Variants in TOX4 observed in about 807,000 individuals in gnomAD.
The protein encoded by TOX4 is TOX high mobility group box family member 4.
TOX4 carries 12 observed loss-of-function variants against 61.0 expected under a neutral mutation model. That is an observed-to-expected ratio of 0.20 (90% CI 0.13 to 0.32). The LOEUF is 0.32. Among genes scored for constraint, TOX4 ranks in the 10% least tolerant of loss-of-function variants. The pLI is 1.00. For missense variants in TOX4, 499 were observed against 753.3 expected (o/e 0.66, Z 3.95); for synonymous variants, 268 against 274.8 (o/e 0.98, Z 0.24).
At chr14:21,487,217 TAAAAG>T (rs2139622997) in intron 2 of TOX4, among the ~76,000 whole-genome samples, 1 of 152,296 alleles carries the variant, frequency 6.6e-6, no homozygotes, top group African/African-American at 2.4e-5. Flanking sequence ...AGAAAAGAGA[TAAAAG>T]AATTGAAAAT....
At chr14:21,492,264 T>A (rs759861777) in intron 5 of TOX4, 32 bp from the exon 6 acceptor site, 5 of 1,472,932 alleles carry the variant, frequency 3.4e-6, no homozygotes, top group Non-Finnish European at 4.6e-6. Flanking sequence ...ATGGGGAGTT[T>A]TGTTTTTTTT....
intron 5 of TOX4, among the ~76,000 whole-genome samples, chr14:21,491,068 G>T (rs1383598227): frequency 6.6e-6 from 1 of 152,232 alleles, no homozygotes; most frequent in East Asian, 1.9e-4. Context: ...CAGGTGATCC[G>T]CCTGCCTTGT....
At position 21,498,686 on chromosome 14, in the gene TOX4, T is replaced by A; in HGVS notation, c.*2080T>A. On this transcript the variant is annotated 3_prime_UTR_variant, in exon 9 of 9. Transcript: ENST00000448790. ...TAGCAGCATGTGTTTTAAGCTCTGT[T>A]AAGGGGTGAAAGATGTAATTATTGA... 2.1e-6 allele frequency: 1 copy of A among 476,252 alleles called. No individual in the cohort carries two copies. 29.5% of individuals were successfully genotyped at this position (476,252 alleles called of 1,614,324 possible).
At chr14:21,484,164 A>AT (rs1190395938) in intron 2 of TOX4, among the ~76,000 whole-genome samples, 1 of 151,998 alleles carries the variant, frequency 6.6e-6, no homozygotes, top group African/African-American at 2.4e-5. Flanking sequence ...CAACGACCAG[A>AT]TTTTTTACCA....
At position 21,499,084 on chromosome 14, in the gene TOX4, T is replaced by C. The variant is rs754238831; in HGVS notation, c.*2478T>C. ...ACTCAATCTTGCGAGTGCCAGGAGA[T>C]AGTCTTTCAATCATGCCATAGATTT... On this transcript the variant is annotated 3_prime_UTR_variant, in exon 9 of 9. Transcript: ENST00000448790. 9 of 1,614,172 alleles carry C rather than the reference T, an allele frequency of 5.6e-6. No individual in the cohort carries two copies. Among genetic ancestry groups the C allele is most frequent in the Middle Eastern group, 1.6e-4 (1 of 6,062 alleles).
In TOX4 at chr14:21,477,508, A is replaced by G. The variant is rs764403589; in HGVS notation, c.19A>G (p.Asn7Asp). The change falls in exon 2 of 9, where the codon AAT becomes GAT. Residue 7 changes from asparagine (N) to aspartate (D), a missense_variant. Physicochemically the swap from Asn to Asp is conservative, Grantham distance 23. This residue lies in a region of TOX4 where 22 missense variants were observed against 22.5 expected (regional missense o/e 0.98). Coordinates refer to ENST00000448790, the MANE Select transcript of TOX4 (RefSeq NM_014828.4). Reference sequence around the variant, plus strand: ...TTTTGGTTTCCAGTTTCCCGGAGGAAATGACAATTACCTGACGATCACAGG... The same window carrying G: ...TTTTGGTTTCCAGTTTCCCGGAGGAGATGACAATTACCTGACGATCACAGG... MEFPGG[N>D]DNYLTITGPS... is the part of the protein sequence containing the mutation. 1.1e-5 allele frequency: 18 copies of G among 1,613,522 alleles called. No individual in the cohort carries two copies. The highest frequency in any genetic ancestry group is 1.5e-5 in the Non-Finnish European group (18 of 1,180,026).
rs1423852856 is a variant in TOX4 at position 21,485,589 on chromosome 14, A to C, written c.76-1862A>C. ...AGGAGACTCTATCTCAAAAAAAAAAAAAACTGCCAGGTGCGGTGGCCCATG... is the reference window on the plus strand; with the variant it reads ...AGGAGACTCTATCTCAAAAAAAAAACAAACTGCCAGGTGCGGTGGCCCATG... On this transcript the variant is annotated intron_variant, in intron 2 of 8. Coordinates refer to ENST00000448790, the MANE Select transcript of TOX4 (RefSeq NM_014828.4). 4.9e-5 allele frequency among the ~76,000 whole-genome samples: 5 copies of C among 102,894 alleles called. 2 individuals are homozygous for C. The highest frequency in any genetic ancestry group is 1.8e-4 in the African/African-American group (5 of 27,218). 67.5% of individuals were successfully genotyped at this position (102,894 alleles called of 152,430 possible).
In TOX4 at chr14:21,493,087, C is replaced by T; in HGVS notation, c.1471C>T (p.Leu491=). ...RINLQQQPPP[L]QIKSVPLPTL... ...CAATTTACAGCAACAGCCTCCTCCTCTGCAGATCAAGAGTGTGCCTCTACC... is the reference window on the plus strand; with the variant it reads ...CAATTTACAGCAACAGCCTCCTCCTTTGCAGATCAAGAGTGTGCCTCTACC... The change falls in exon 7 of 9, where the codon CTG becomes TTG. Residue 491 remains leucine, a synonymous_variant. Coordinates refer to ENST00000448790, the MANE Select transcript of TOX4 (RefSeq NM_014828.4). 6.2e-7 allele frequency: 1 copy of T among 1,614,182 alleles called. No homozygotes were observed. Among genetic ancestry groups the T allele is most frequent in the African/African-American group, 1.3e-5 (1 of 75,054 alleles).
At chr14:21,482,343 C>G (rs1443832353) in intron 2 of TOX4, among the ~76,000 whole-genome samples, 1 of 152,010 alleles carries the variant, frequency 6.6e-6, no homozygotes, top group African/African-American at 2.4e-5. Flanking sequence ...ATTTAAATGA[C>G]CCATAGTACC....
intron 2 of TOX4, among the ~76,000 whole-genome samples, chr14:21,482,167 G>T (rs562775751): frequency 6.6e-6 from 1 of 152,268 alleles, no homozygotes; most frequent in South Asian, 2.1e-4. Flanking sequence ...CTCTTTTTCA[G>T]GTTGGCTCTA....
chr14:21,490,722 C>T (rs1428614238), intron 5 of TOX4, among the ~76,000 whole-genome samples: 1 of 152,144 alleles, frequency 6.6e-6, no homozygotes, highest in Non-Finnish European at 1.5e-5. Flanking sequence ...TTTAACTTTT[C>T]TAAGTCTCAT....
In TOX4 at chr14:21,497,514, G is replaced by GTTTTT. The variant is rs796419920; in HGVS notation, c.*910_*914dup. 3.1e-4 allele frequency: 16 copies of GTTTTT among 51,630 alleles called. 1 individual carries two copies. Among genetic ancestry groups the GTTTTT allele is most frequent in the African/African-American group, 9.5e-4 (13 of 13,618 alleles). 3.2% of individuals were successfully genotyped at this position (51,630 alleles called of 1,614,324 possible). On this transcript the variant is annotated 3_prime_UTR_variant, in exon 9 of 9. Transcript: ENST00000448790. ...TCCTATGCATTCCTGTTTTCTGTGT[G>GTTTTT]TTTTTTGTTTTTTTTTTTTTTTTTT...
At chr14:21,490,194 T>C (rs770696001) in intron 5 of TOX4, among the ~76,000 whole-genome samples, 2 of 150,620 alleles carry the variant, frequency 1.3e-5, no homozygotes, top group Non-Finnish European at 3.0e-5. Context: ...ATAATTGTTA[T>C]AGGCCGGGCG....
intron 7 of TOX4, 111 bp from the exon 8 acceptor site, chr14:21,495,118 T>C: frequency 8.0e-7 from 1 of 1,245,578 alleles, no homozygotes; most frequent in Non-Finnish European, 1.1e-6. Context: ...CCCCCCAGTG[T>C]GAGGAATTCT....
Position 21,486,252 on chromosome 14 carries a change from A to G in TOX4, c.76-1199A>G, listed in dbSNP as rs796745766. ...ATGAAAAAAAAAAATGTTGGTACCT[A>G]TTGAATTTGATCTGAATCAGTTTAT... On this transcript the variant is annotated intron_variant, in intron 2 of 8. Transcript: ENST00000448790. 4.7e-5 allele frequency among the ~76,000 whole-genome samples: 5 copies of G among 106,974 alleles called. 1 individual carries two copies. The highest frequency in any genetic ancestry group is 1.8e-4 in the African/African-American group (5 of 28,478). The allele number at this position is 106,974 out of a possible 152,430, so 70.2% of individuals were successfully genotyped here.
At chr14:21,485,578 C>CAAA (rs763582201) in intron 2 of TOX4, among the ~76,000 whole-genome samples, 1 of 79,060 alleles carries the variant, frequency 1.3e-5, no homozygotes, top group Non-Finnish European at 2.7e-5. Context: ...GACTCTATCT[C>CAAA]AAAAAAAAAA....
chr14:21,477,341 C>T, intron 1 of TOX4, 57 bp downstream of exon 1: 2 of 1,613,794 alleles, frequency 1.2e-6, no homozygotes, highest in Non-Finnish European at 1.7e-6. Context: ...CGGGTTGAAG[C>T]AGGGACGGGA....
chr14:21,478,657 T>C (rs1205592160), intron 2 of TOX4, among the ~76,000 whole-genome samples: 1 of 152,192 alleles, frequency 6.6e-6, no homozygotes, highest in Admixed American at 6.5e-5. Flanking sequence ...AGGACTTTTA[T>C]ATTTATTTTC....
intron 5 of TOX4, among the ~76,000 whole-genome samples, chr14:21,489,817 G>T (rs576880049): frequency 6.6e-6 from 1 of 151,906 alleles, no homozygotes; most frequent in African/African-American, 2.4e-5. Context: ...TCCTGACCTC[G>T]TGATCCACCC....
Sources: gnomAD v4.1 joint callset for allele counts (sites outside exome capture counted in the v4.1 genomes callset) on GRCh38, gnomAD v4.1.1 for gene constraint, gnomAD v4.1.1 regional missense constraint, MANE v1.5 for transcripts, NCBI Gene and HGNC (gene_info 2026-07-23, HGNC 2026-07-21) for gene names.